MEF2C: variants seen among roughly 807,000 people sequenced by gnomAD.
The protein encoded by MEF2C is myocyte enhancer factor 2C.
MEF2C carries 6 observed loss-of-function variants against 50.5 expected under a neutral mutation model. The observed-to-expected ratio is 0.12, with a 90% CI of 0.07 to 0.23. MEF2C has a LOEUF of 0.23. MEF2C is among the 10% of genes least tolerant of loss of function. MEF2C has a pLI of 1.00. For synonymous variants in MEF2C, 183 were observed against 228.0 expected (o/e 0.80, Z 1.78); for missense variants, 276 against 605.0 (o/e 0.46, Z 5.70).
At position 88,891,612 on chromosome 5, in the gene MEF2C, A is replaced by G. The variant is rs550707326; in HGVS notation, c.-239-4014T>C. On this transcript the variant is annotated intron_variant, in intron 1 of 11. Transcript: ENST00000340208. ...TTTTTAGTAGAGACGGGGTTTCACC[A>G]TGTTAGCCAGGATGGTCTCGATCTC... is the stretch of plus-strand genomic sequence containing the variant. Among the ~76,000 whole-genome samples the G allele has an allele frequency of 5.3e-5, 8 of 152,036 alleles. No individual in the cohort carries two copies. The East Asian group carries it at 1.5e-3, about 29-fold the overall frequency.
chr5:88,744,463 G>C (rs59596291), intron 6 of MEF2C, among the ~76,000 whole-genome samples: 1,696 of 152,314 alleles, frequency 0.011, 27 homozygotes, highest in African/African-American at 0.039. Flanking sequence ...TGAGGCAGGA[G>C]AGTTGCTTGA....
chr5:88,873,716 T>A (rs1410705828), intron 1 of MEF2C, among the ~76,000 whole-genome samples: 3 of 36,780 alleles, frequency 8.2e-5, no homozygotes, highest in Admixed American at 7.1e-4. Context: ...GGATTTTTTT[T>A]TTTTTTTTTT....
At chr5:88,835,743 G>A (rs917268427) in intron 1 of MEF2C, among the ~76,000 whole-genome samples, 2 of 149,206 alleles carry the variant, frequency 1.3e-5, no homozygotes, top group Admixed American at 1.4e-4. Flanking sequence ...AACCTGGGAA[G>A]CAGAGGTTGC....
chr5:88,797,984 C>T (rs1562094257), intron 3 of MEF2C, among the ~76,000 whole-genome samples: 1 of 152,228 alleles, frequency 6.6e-6, no homozygotes, highest in Non-Finnish European at 1.5e-5. Context: ...CCATTCTCTT[C>T]TGGCTTGTAG....
At position 88,731,868 on chromosome 5, in the gene MEF2C, C is replaced by A; in HGVS notation, c.671G>T (p.Gly224Val). Reference protein sequence around the residue: ...NGYGNPRNSPGLLVSPGNLNK... With the variant: ...NGYGNPRNSPVLLVSPGNLNK... ...CAAGTTACCAGGTGAGACCAGCAGA[C>A]CTGGTGAGTTTCGGGGATTGCCATA... Residue 224 changes from glycine (G) to valine (V), a missense_variant, in exon 7 of 11, where the codon GGT (glycine) becomes GTT (valine). Transcript: ENST00000504921. The A allele has an allele frequency of 6.2e-7, 1 of 1,613,000 alleles. No individual in the cohort carries two copies. Among genetic ancestry groups the A allele is most frequent in the South Asian group, 1.1e-5 (1 of 91,036 alleles).
intron 6 of MEF2C, chr5:88,748,241 C>T: frequency 1.0e-6 from 1 of 968,820 alleles, no homozygotes; most frequent in Non-Finnish European, 1.2e-6. Flanking sequence ...CTATCCATGT[C>T]TATTTCAATA....
chr5:88,732,279 T>C (rs1487405992), intron 6 of MEF2C, among the ~76,000 whole-genome samples: 1 of 152,180 alleles, frequency 6.6e-6, no homozygotes, highest in Non-Finnish European at 1.5e-5. Context: ...TGACTCACTC[T>C]TTCAGTTCAC....
intron 3 of MEF2C, among the ~76,000 whole-genome samples, chr5:88,803,055 A>G (rs1474783912): frequency 6.6e-6 from 1 of 152,216 alleles, no homozygotes; most frequent in East Asian, 1.9e-4. Context: ...TTACATAAGT[A>G]TTAGTGCACA....
At chr5:88,744,717 T>C (rs1057275565) in intron 6 of MEF2C, among the ~76,000 whole-genome samples, 1 of 152,232 alleles carries the variant, frequency 6.6e-6, no homozygotes, top group Non-Finnish European at 1.5e-5. Flanking sequence ...ACTTGCTGTA[T>C]ATTTCTCTTA....
intron 10 of MEF2C, among the ~76,000 whole-genome samples, chr5:88,727,684 C>T (rs1433080113): frequency 6.6e-6 from 1 of 151,916 alleles, no homozygotes; most frequent in Non-Finnish European, 1.5e-5. Flanking sequence ...TATTTTATAT[C>T]CTCCTGGTAT....
intron 3 of MEF2C, 155 bp downstream of exon 3, chr5:88,804,443 A>T: frequency 1.6e-6 from 1 of 631,100 alleles, no homozygotes. Flanking sequence ...GAAAAGGTGG[A>T]GTAAGAGTTG....
chr5:88,827,425 G>T (rs1021412160), intron 1 of MEF2C, among the ~76,000 whole-genome samples: 2 of 151,934 alleles, frequency 1.3e-5, no homozygotes, highest in African/African-American at 4.8e-5. Flanking sequence ...TGTTCCAGAA[G>T]TGTAAAATGG....
chr5:88,854,233 G>A (rs914045497), intron 1 of MEF2C, among the ~76,000 whole-genome samples: 1 of 152,148 alleles, frequency 6.6e-6, no homozygotes, highest in African/African-American at 2.4e-5. Context: ...CTATTGCCAT[G>A]GGTTTATAGA....
intron 3 of MEF2C, chr5:88,769,865 T>C (rs1228801151): frequency 4.3e-6 from 3 of 699,622 alleles, no homozygotes; most frequent in South Asian, 1.3e-4. Flanking sequence ...AGGCTGGTCT[T>C]GAACTCTTGA....
intron 3 of MEF2C, among the ~76,000 whole-genome samples, chr5:88,783,669 C>G (rs1009097115): frequency 2.0e-5 from 3 of 152,082 alleles, no homozygotes; most frequent in African/African-American, 7.2e-5. Context: ...AACAGACAGT[C>G]TAAGTAATTT....
chr5:88,736,902 A>T, intron 6 of MEF2C: 2 of 985,350 alleles, frequency 2.0e-6, no homozygotes, highest in Non-Finnish European at 2.4e-6. Context: ...CTCCTGTTTA[A>T]TTCAAATTTA....
chr5:88,776,739 C>T (rs1029492024), intron 3 of MEF2C, among the ~76,000 whole-genome samples: 5 of 152,176 alleles, frequency 3.3e-5, no homozygotes, highest in Non-Finnish European at 7.3e-5. Context: ...ATCAAGTGAA[C>T]ACTTCAAGTG....
intron 1 of MEF2C, among the ~76,000 whole-genome samples, chr5:88,870,254 T>C (rs1398380103): frequency 6.6e-6 from 1 of 152,048 alleles, no homozygotes; most frequent in Non-Finnish European, 1.5e-5. Flanking sequence ...GGAAAGTAAA[T>C]ATTTGGTCAA....
intron 6 of MEF2C, chr5:88,739,376 C>T (rs1180098614): frequency 2.0e-6 from 2 of 982,680 alleles, no homozygotes; most frequent in East Asian, 2.3e-4. Flanking sequence ...ACAGTTACAG[C>T]ATACTGGGTT....
Sources: gnomAD v4.1 joint callset for allele counts (sites outside exome capture counted in the v4.1 genomes callset) on GRCh38, gnomAD v4.1.1 for gene constraint, MANE v1.5 for transcripts, NCBI Gene and HGNC (gene_info 2026-07-23, HGNC 2026-07-21) for gene names.